Variants in DMD observed in about 807,000 individuals in gnomAD.
DMD encodes the protein mutant dystrophin.
DMD carries 63 observed loss-of-function variants against 330.1 expected under a neutral mutation model. That is an observed-to-expected ratio of 0.19 (90% CI 0.16 to 0.24). The LOEUF is 0.24. DMD is among the 10% of genes least tolerant of loss of function. The probability of loss-of-function intolerance (pLI) is 1.00; values close to 1 mark genes in which losing one functional copy is unlikely to be tolerated. For synonymous variants in DMD, 1,223 were observed against 959.8 expected (o/e 1.27, Z -5.07); for missense variants, 3,344 against 2,684.1 (o/e 1.25, Z -5.43).
Position 32,697,593 on chromosome X carries a change from G to C in DMD, c.960+277C>G, listed in dbSNP as rs1215075651. ...AGCCTCATGTTTTTTATAACCATTAGCAGCCTTTGTCAAAGAGAACCTTAG... is the reference window on the plus strand; with the variant it reads ...AGCCTCATGTTTTTTATAACCATTACCAGCCTTTGTCAAAGAGAACCTTAG... On this transcript the variant is annotated intron_variant, in intron 9 of 78. Transcript: ENST00000357033. 7.2e-5 allele frequency among the ~76,000 whole-genome samples: 8 copies of C among 111,435 alleles called. No individual in the cohort carries two copies. The East Asian group carries it at 2.3e-3, about 32-fold the overall frequency.
intron 30 of DMD, among the ~76,000 whole-genome samples, chrX:32,399,851 G>A (rs1005587218): frequency 8.9e-6 from 1 of 111,818 alleles, no homozygotes; most frequent in Non-Finnish European, 1.9e-5. Context: ...ATTAAAAAAC[G>A]AATGGATAAA....
At chrX:31,941,153 C>A (rs1195973542) in intron 45 of DMD, among the ~76,000 whole-genome samples, 4 of 111,783 alleles carry the variant, frequency 3.6e-5, no homozygotes, top group Non-Finnish European at 7.5e-5. Flanking sequence ...TCTGAGGATG[C>A]TTTGGATCTT....
chrX:32,771,287 A>C lies in DMD; in HGVS notation c.649+38206T>G, dbSNP rs148782897. On this transcript the variant is annotated intron_variant, in intron 7 of 78. Coordinates refer to ENST00000357033, the MANE Select transcript of DMD (RefSeq NM_004006.3). ...TAATTTTGAAGCCATGTGAAAATTA[A>C]GATGAGTCTATTCTCATTTAGTGAT... Among the ~76,000 whole-genome samples, 4 of 111,992 alleles carry C rather than the reference A, an allele frequency of 3.6e-5. No homozygotes were observed. In the East Asian group the frequency reaches 8.4e-4, roughly 24 times the overall value.
chrX:32,677,845 G>C (rs1036289277), intron 9 of DMD, among the ~76,000 whole-genome samples: 1 of 111,500 alleles, frequency 9.0e-6, no homozygotes, highest in Non-Finnish European at 1.9e-5. Context: ...GTCACGATGT[G>C]GGAACAACGT....
intron 44 of DMD, among the ~76,000 whole-genome samples, chrX:32,158,356 G>C (rs2096837597): frequency 9.1e-6 from 1 of 110,263 alleles, no homozygotes; most frequent in African/African-American, 3.3e-5. Context: ...AAAATAGCAA[G>C]ACCCCATCTC....
At chrX:31,834,543 G>GCC (rs2093150130) in intron 49 of DMD, among the ~76,000 whole-genome samples, 1 of 111,654 alleles carries the variant, frequency 9.0e-6, no homozygotes, top group Admixed American at 9.5e-5. Context: ...GGGTTCAAGT[G>GCC]ATTCTCCTGC....
intron 56 of DMD, among the ~76,000 whole-genome samples, chrX:31,501,303 A>G (rs1424849394): frequency 1.8e-5 from 2 of 112,251 alleles, no homozygotes; most frequent in Admixed American, 9.5e-5. Flanking sequence ...TTTTTGCTCA[A>G]ATAAACTCTG....
intron 52 of DMD, among the ~76,000 whole-genome samples, chrX:31,721,075 T>C (rs2085433951): frequency 1.8e-5 from 2 of 111,675 alleles, no homozygotes; most frequent in South Asian, 7.5e-4. Flanking sequence ...CTGATAGAAC[T>C]CTGAAATTCA....
chrX:31,246,160 T>C lies in DMD; in HGVS notation c.9286+14795A>G, dbSNP rs187559478. ...ATGGAGAAAGTTTGAGTGCTCTGAATAGAAGATCAAACTAGCCACAACATT... is the reference window on the plus strand; with the variant it reads ...ATGGAGAAAGTTTGAGTGCTCTGAACAGAAGATCAAACTAGCCACAACATT... On this transcript the variant is annotated intron_variant, in intron 63 of 78. Coordinates refer to ENST00000357033, the MANE Select transcript of DMD (RefSeq NM_004006.3). 4.0e-3 allele frequency among the ~76,000 whole-genome samples: 449 copies of C among 112,424 alleles called. 1 individual carries two copies. Among genetic ancestry groups the C allele is most frequent in the African/African-American group, 0.014 (425 of 31,029 alleles).
intron 2 of DMD, among the ~76,000 whole-genome samples, chrX:32,966,743 A>T (rs1232676607): frequency 8.9e-6 from 1 of 111,793 alleles, no homozygotes; most frequent in Non-Finnish European, 1.9e-5. Flanking sequence ...TGTCTAGATT[A>T]TCATTAGCGT....
At chrX:31,899,623 A>T (rs1271176259) in intron 47 of DMD, among the ~76,000 whole-genome samples, 1 of 110,980 alleles carries the variant, frequency 9.0e-6, no homozygotes, top group Non-Finnish European at 1.9e-5. Context: ...GGCCTGCAAA[A>T]TTTTTTTTAT....
chrX:32,555,451 G>T (rs1463048799), intron 16 of DMD, among the ~76,000 whole-genome samples: 1 of 111,490 alleles, frequency 9.0e-6, no homozygotes, highest in African/African-American at 3.3e-5. Context: ...GGCAATCAGG[G>T]AAGAGAAAGA....
At chrX:32,090,424 T>G (rs2096466808) in intron 44 of DMD, among the ~76,000 whole-genome samples, 1 of 111,916 alleles carries the variant, frequency 8.9e-6, no homozygotes, top group African/African-American at 3.2e-5. Context: ...CATGAAAACC[T>G]GGGAAATGGG....
At chrX:32,054,479 C>T (rs1032907100) in intron 44 of DMD, among the ~76,000 whole-genome samples, 7 of 108,330 alleles carry the variant, frequency 6.5e-5, no homozygotes, top group Admixed American at 6.0e-4. Context: ...TTGCTGAGAA[C>T]GATGGTTTCC....
At chrX:31,496,394 A>G (rs1300594064) in intron 57 of DMD, among the ~76,000 whole-genome samples, 1 of 112,393 alleles carries the variant, frequency 8.9e-6, no homozygotes, top group Non-Finnish European at 1.9e-5. Context: ...ATTAACAATA[A>G]AATAACACAC....
At chrX:31,351,181 TATACATAC>T (rs1293888449) in intron 60 of DMD, among the ~76,000 whole-genome samples, 1 of 84,825 alleles carries the variant, frequency 1.2e-5, no homozygotes, top group Admixed American at 1.3e-4. Flanking sequence ...CACACACACA[TATACATAC>T]ATACATACAT....
At chrX:32,310,639 A>T (rs1569557034) in intron 41 of DMD, among the ~76,000 whole-genome samples, 1 of 110,557 alleles carries the variant, frequency 9.0e-6, no homozygotes. Context: ...TAAAATTCTA[A>T]TTTTCCTGGA....
At chrX:32,694,119 G>C (rs1342801360) in intron 9 of DMD, among the ~76,000 whole-genome samples, 1 of 111,485 alleles carries the variant, frequency 9.0e-6, no homozygotes, top group East Asian at 2.8e-4. Context: ...CTGGATTCCA[G>C]AATGCCACAT....
In DMD at chrX:32,573,760, A is replaced by G. The variant is rs1601810481; in HGVS notation, c.1689T>C (p.Arg563=). 1 of 1,209,671 alleles carries G rather than the reference A, an allele frequency of 8.3e-7. No individual in the cohort carries two copies. Among genetic ancestry groups the G allele is most frequent in the Non-Finnish European group, 1.1e-6 (1 of 894,909 alleles). ...CATGACACACCTGTTCTTCAGTAAG[A>G]CGTTGCCATTTGAGAAGGATGTCTT... The part of the protein sequence containing the change: ...LLQDILLKWQ[R]LTEEQCLFSA... Residue 563 remains arginine, a synonymous_variant, in exon 14 of 79, where the codon CGT becomes CGC. Coordinates refer to ENST00000357033, the MANE Select transcript of DMD (RefSeq NM_004006.3).
Sources: allele counts gnomAD v4.1 joint callset (sites outside exome capture counted in the v4.1 genomes callset), GRCh38; gene constraint gnomAD v4.1.1; transcripts MANE v1.5; gene names NCBI Gene and HGNC (gene_info 2026-07-23, HGNC 2026-07-21).